Variants in RTN4RL2 observed in about 807,000 individuals in gnomAD.
The protein encoded by RTN4RL2 is reticulon 4 receptor like 2.
RTN4RL2 carries 9 observed loss-of-function variants against 27.8 expected under a neutral mutation model. That is an observed-to-expected ratio of 0.32 (90% CI 0.20 to 0.57). The LOEUF (loss-of-function observed/expected upper bound fraction) is 0.57, where lower values mean the gene tolerates loss of function less well. Among genes scored for constraint, RTN4RL2 ranks in the 20% least tolerant of loss-of-function variants. The pLI, the probability that RTN4RL2 is intolerant of heterozygous loss-of-function variation, is 0.90. For synonymous variants in RTN4RL2, 285 were observed against 297.9 expected (o/e 0.96, Z 0.45); for missense variants, 436 against 596.8 (o/e 0.73, Z 2.81).
chr11:57,460,620 G>A lies in RTN4RL2; in HGVS notation c.-246G>A, dbSNP rs554171904. On this transcript the variant is annotated 5_prime_UTR_variant, in exon 1 of 3. Transcript: ENST00000335099. ...AGCTAGCGGGGCGCGGGCGCTGGGC[G>A]TCGACGGCCAGCCCCAGCCTTCCCC... 7.1e-4 allele frequency: 135 copies of A among 191,412 alleles called. 2 individuals are homozygous for A. The East Asian group carries it at 0.018, about 26-fold the overall frequency. The allele number at this position is 191,412 out of a possible 1,614,324, so 11.9% of individuals were successfully genotyped here.
intron 2 of RTN4RL2, among the ~76,000 whole-genome samples, chr11:57,475,604 A>G (rs537211648): frequency 2.0e-5 from 3 of 152,328 alleles, no homozygotes; most frequent in East Asian, 3.9e-4. Context: ...CCACAAGGAA[A>G]GGTGTTCTAA....
chr11:57,473,118 A>G (rs1943573614), intron 2 of RTN4RL2, among the ~76,000 whole-genome samples: 1 of 152,218 alleles, frequency 6.6e-6, no homozygotes, highest in Non-Finnish European at 1.5e-5. Flanking sequence ...GCTGACGCCG[A>G]TGATGACGAT....
intron 1 of RTN4RL2, among the ~76,000 whole-genome samples, chr11:57,462,115 G>A (rs1340822209): frequency 2.0e-5 from 3 of 152,028 alleles, no homozygotes; most frequent in South Asian, 2.1e-4. Context: ...GACAGCCTCC[G>A]AGGGTGGGCA....
At chr11:57,468,483 C>T (rs1288954896) in intron 2 of RTN4RL2, 1 of 1,300,584 alleles carries the variant, frequency 7.7e-7, no homozygotes, top group Non-Finnish European at 1.1e-6. Context: ...CATACACCCC[C>T]ATGTCTGTCT....
intron 1 of RTN4RL2, among the ~76,000 whole-genome samples, chr11:57,466,616 GGCCCC>G: frequency 6.6e-6 from 1 of 152,136 alleles, no homozygotes; most frequent in African/African-American, 2.4e-5. Context: ...CGACCCTTAA[GGCCCC>G]TCCCGGCACA....
intron 1 of RTN4RL2, among the ~76,000 whole-genome samples, chr11:57,465,098 G>A (rs954184489): frequency 1.3e-5 from 2 of 152,202 alleles, no homozygotes; most frequent in Non-Finnish European, 2.9e-5. Flanking sequence ...GGGCCCAAAA[G>A]CGAGGAGCAG....
chr11:57,475,401 G>A (rs547125156), intron 2 of RTN4RL2, among the ~76,000 whole-genome samples: 7 of 152,172 alleles, frequency 4.6e-5, no homozygotes, highest in Non-Finnish European at 5.9e-5. Context: ...TGATCTTTAT[G>A]TGAACCATCC....
chr11:57,476,554 C>A lies in RTN4RL2; in HGVS notation c.906C>A (p.Leu302=). The change falls in exon 3 of 3, where the codon CTC becomes CTA. Residue 302 remains leucine, a synonymous_variant. Transcript: ENST00000335099. The surrounding 1 kb of genome is among the most constrained non-coding windows in gnomAD (Gnocchi z 8.2). ...PERQGRDLRA[L]READFQACPP... is the part of the protein sequence containing the mutation. ...GCCAGGGCCGAGACCTGCGCGCGCTCCGCGAGGCCGACTTCCAGGCGTGTC... is the reference window on the plus strand; with the variant it reads ...GCCAGGGCCGAGACCTGCGCGCGCTACGCGAGGCCGACTTCCAGGCGTGTC... 7.1e-7 allele frequency: 1 copy of A among 1,399,776 alleles called. No individual in the cohort carries two copies. Among genetic ancestry groups the A allele is most frequent in the Admixed American group, 3.6e-5 (1 of 28,024 alleles). The allele number at this position is 1,399,776 out of a possible 1,614,324, so 86.7% of individuals were successfully genotyped here.
chr11:57,468,622 T>A, intron 2 of RTN4RL2: 1 of 1,536,542 alleles, frequency 6.5e-7, no homozygotes, highest in Non-Finnish European at 8.7e-7. Context: ...TCTGCCCACA[T>A]CACGGTGAAG....
chr11:57,474,240 G>A (rs1196162151), intron 2 of RTN4RL2, among the ~76,000 whole-genome samples: 3 of 152,106 alleles, frequency 2.0e-5, no homozygotes, highest in African/African-American at 7.2e-5. Context: ...AGAGGCAGCC[G>A]AGAAGGTTGA....
In RTN4RL2 at chr11:57,476,764, G is replaced by A. The variant is rs758616505; in HGVS notation, c.1116G>A (p.Gly372=). The A allele has an allele frequency of 6.8e-7, 1 of 1,472,224 alleles. No individual in the cohort carries two copies. The highest frequency in any genetic ancestry group is 1.4e-5 in the South Asian group (1 of 72,730). 91.2% of individuals were successfully genotyped at this position (1,472,224 alleles called of 1,614,324 possible). The change falls in exon 3 of 3, where the codon GGG becomes GGA. Residue 372 remains glycine (G), a synonymous_variant. Transcript: ENST00000335099. This position sits in a 1 kb window ranked among gnomAD's most constrained non-coding sequence, Gnocchi z 8.2. The part of the protein sequence containing the change: ...GDAPTEDDYW[G]GYGGEDQRGE... ...CGCCTACTGAGGACGACTACTGGGG[G>A]GGCTACGGGGGTGAGGACCAGCGAG...
Position 57,460,862 on chromosome 11 carries a change from C to A in RTN4RL2, c.-4C>A. Reference sequence around the variant, plus strand: ...CTGCCCCCTCCCCCGAGCATCGAGACAAGATGCTGCCCGGGCTCAGGCGCC... The same window carrying A: ...CTGCCCCCTCCCCCGAGCATCGAGAAAAGATGCTGCCCGGGCTCAGGCGCC... On this transcript the variant is annotated 5_prime_UTR_variant, in exon 1 of 3. Transcript: ENST00000335099. The A allele has an allele frequency of 7.1e-7, 1 of 1,409,464 alleles. No individual in the cohort carries two copies. The highest frequency in any genetic ancestry group is 1.5e-5 in the South Asian group (1 of 67,564). 87.3% of individuals were successfully genotyped at this position (1,409,464 alleles called of 1,614,324 possible). A position where few individuals can be genotyped will look rare whatever the true frequency, so the allele number is the denominator to read the frequency against.
chr11:57,460,674 G>C lies in RTN4RL2; in HGVS notation c.-192G>C, dbSNP rs1301236024. The C allele has an allele frequency of 2.2e-5, 6 of 276,070 alleles. No homozygotes were observed. The highest frequency in any genetic ancestry group is 3.4e-5 in the Non-Finnish European group (5 of 147,762). The allele number at this position is 276,070 out of a possible 1,614,324, so 17.1% of individuals were successfully genotyped here. The stretch of plus-strand genomic sequence containing the variant: ...CCGTCGCGCCCCGCCCCGTCCCGTC[G>C]GGGCCGATGGCTCCTCCCGAGGCCC... On this transcript the variant is annotated 5_prime_UTR_variant, in exon 1 of 3. Transcript: ENST00000335099.
chr11:57,468,135 C>T (rs754853285), intron 2 of RTN4RL2, 45 bp downstream of exon 2: 2 of 1,542,684 alleles, frequency 1.3e-6, no homozygotes, highest in Non-Finnish European at 1.7e-6. Flanking sequence ...CTGGTTTCCT[C>T]TCTCTGTGGG....
In RTN4RL2 at chr11:57,476,646, G is replaced by A; in HGVS notation, c.998G>A (p.Gly333Glu). 7.1e-7 allele frequency: 1 copy of A among 1,410,566 alleles called. No individual in the cohort carries two copies. The allele number at this position is 1,410,566 out of a possible 1,614,324, so 87.4% of individuals were successfully genotyped here. Residue 333 changes from glycine to glutamate, a missense_variant, in exon 3 of 3, where the codon GGG (glycine) becomes GAG (glutamate). Around this residue, in one of 3 missense-constraint regions of RTN4RL2, gnomAD observed 365 missense variants for 530.5 expected, o/e 0.69. Coordinates refer to ENST00000335099, the MANE Select transcript of RTN4RL2 (RefSeq NM_178570.3). This position sits in a 1 kb window ranked among gnomAD's most constrained non-coding sequence, Gnocchi z 8.2. ...AACAGCTCCTCCAACCACCTGTACG[G>A]GGTGGCCGAGGCCGGGGCGCCCCCA... ...RGNSSSNHLY[G>E]VAEAGAPPAD...
chr11:57,462,353 C>T (rs1943491301), intron 1 of RTN4RL2, among the ~76,000 whole-genome samples: 1 of 152,140 alleles, frequency 6.6e-6, no homozygotes, highest in African/African-American at 2.4e-5. Context: ...CCCACCTCCT[C>T]AGCCCCTGCC....
At chr11:57,470,962 G>A (rs1048085886) in intron 2 of RTN4RL2, among the ~76,000 whole-genome samples, 1 of 152,088 alleles carries the variant, frequency 6.6e-6, no homozygotes, top group African/African-American at 2.4e-5. Context: ...CAGGCCTGGT[G>A]TGGTGGCCCA....
At position 57,467,858 on chromosome 11, in the gene RTN4RL2, T is replaced by C. The variant is rs1332047955; in HGVS notation, c.281T>C (p.Leu94Pro). The change falls in exon 2 of 3, where the codon CTC becomes CCC. Residue 94 changes from leucine to proline, a missense_variant. This residue lies in a region of RTN4RL2 where 365 missense variants were observed against 530.5 expected (regional missense o/e 0.69). Transcript: ENST00000335099. This position sits in a 1 kb window ranked among gnomAD's most constrained non-coding sequence, Gnocchi z 5.5. Reference sequence around the variant, plus strand: ...ACCCTGTGGCTCTTCTCCAACAACCTCTCCACCATCTACCCGGGCACTTTC... The same window carrying C: ...ACCCTGTGGCTCTTCTCCAACAACCCCTCCACCATCTACCCGGGCACTTTC... Reference protein sequence around the residue: ...LLTLWLFSNNLSTIYPGTFRH... With the variant: ...LLTLWLFSNNPSTIYPGTFRH... 1 of 1,613,826 alleles carries C rather than the reference T, an allele frequency of 6.2e-7. No individual in the cohort carries two copies. Among genetic ancestry groups the C allele is most frequent in the African/African-American group, 1.3e-5 (1 of 74,830 alleles).
At chr11:57,463,047 G>C (rs1003508493) in intron 1 of RTN4RL2, among the ~76,000 whole-genome samples, 1 of 152,186 alleles carries the variant, frequency 6.6e-6, no homozygotes, top group African/African-American at 2.4e-5. Context: ...TGGTTTCTGC[G>C]GAGGATGTGG....
Sources: gnomAD v4.1 joint callset for allele counts (sites outside exome capture counted in the v4.1 genomes callset) on GRCh38, gnomAD v4.1.1 for gene constraint, gnomAD v4.1.1 regional missense constraint, Gnocchi (gnomAD v3.1) non-coding constraint, MANE v1.5 for transcripts, NCBI Gene and HGNC (gene_info 2026-07-23, HGNC 2026-07-21) for gene names.